The following CFAP77 variants were observed in gnomAD, a reference collection of about 807,000 sequenced individuals.
The protein encoded by CFAP77 is cilia and flagella associated protein 77.
A neutral mutation model predicts 31.1 loss-of-function variants in CFAP77; 25 were observed. The observed-to-expected ratio is 0.80, with a 90% confidence interval of 0.59 to 1.12. CFAP77 has a LOEUF of 1.12. CFAP77 is among the 50% of genes most tolerant of loss of function. The probability of loss-of-function intolerance (pLI) is 0.00; values close to 1 mark genes in which losing one functional copy is unlikely to be tolerated. For synonymous variants in CFAP77, 151 were observed against 159.9 expected, an observed-to-expected ratio of 0.94 and a Z score of 0.42; for missense variants, 377 against 397.3, an observed-to-expected ratio of 0.95 and a Z score of 0.44.
At chr9:132,411,568 G>T (rs548997144) in intron 1 of CFAP77, among the ~76,000 whole-genome samples, 1 of 152,216 alleles carries the variant, frequency 6.6e-6, no homozygotes, top group South Asian at 2.1e-4. Context: ...CCTTTCCATC[G>T]AATAGGCTCC....
intron 1 of CFAP77, among the ~76,000 whole-genome samples, chr9:132,486,796 A>C (rs948484765): frequency 1.3e-5 from 2 of 152,286 alleles, no homozygotes; most frequent in African/African-American, 4.8e-5. Flanking sequence ...TAAGCTGCAC[A>C]GCGAGATCAT....
At chr9:132,443,319 T>G (rs1291609846) in intron 1 of CFAP77, among the ~76,000 whole-genome samples, 1 of 151,600 alleles carries the variant, frequency 6.6e-6, no homozygotes, top group Non-Finnish European at 1.5e-5. Context: ...AACGGCGTGA[T>G]CTCGGCTCAC....
rs1851222649 is a variant in CFAP77 at position 132,469,875 on chromosome 9, TG to T, written c.196-28819del. On this transcript the variant is annotated intron_variant, in intron 1 of 5. Transcript: ENST00000393216. ...TTTTTTTGAGATGGAGTTTTGCTCT[TG>T]TTGCCCAGGCTGGAGTGCAATGGTG... Among the ~76,000 whole-genome samples, 9 of 151,468 alleles carry T rather than the reference TG, an allele frequency of 5.9e-5. No homozygotes were observed. The South Asian group carries it at 1.9e-3, about 32-fold the overall frequency.
intron 1 of CFAP77, among the ~76,000 whole-genome samples, chr9:132,448,177 G>GCA (rs60650463): frequency 0.11 from 16,049 of 151,110 alleles, 1,057 homozygotes; most frequent in African/African-American, 0.18. Context: ...ACGCACACAT[G>GCA]CACACACACA....
At chr9:132,468,294 C>T (rs1325026169) in intron 1 of CFAP77, among the ~76,000 whole-genome samples, 3 of 152,130 alleles carry the variant, frequency 2.0e-5, no homozygotes, top group Admixed American at 6.5e-5. Context: ...TGCAGCGAGC[C>T]GAGGTTGCGC....
In CFAP77 at chr9:132,572,506, C is replaced by G. The variant is rs1270183411; in HGVS notation, c.851C>G (p.Pro284Arg). 3 of 1,603,886 alleles carry G rather than the reference C, an allele frequency of 1.9e-6. No individual in the cohort carries two copies. In the African/African-American group the frequency reaches 4.0e-5, roughly 21 times the overall value. The part of the protein sequence containing the change: ...GTLRMGNYTH[P>R] Reference sequence around the variant, plus strand: ...CTGCGGATGGGCAACTACACCCACCCCTAGCCCCTCCCTCCCCTGCCACAA... The same window carrying G: ...CTGCGGATGGGCAACTACACCCACCGCTAGCCCCTCCCTCCCCTGCCACAA... The change falls in exon 6 of 6, where the codon CCC (proline) becomes CGC (arginine). Residue 284 changes from proline (P) to arginine (R), a missense_variant. Physicochemically the swap from Pro to Arg is moderately radical, Grantham distance 103. Transcript: ENST00000393216.
At chr9:132,544,359 C>G (rs933008509) in intron 5 of CFAP77, among the ~76,000 whole-genome samples, 1 of 152,204 alleles carries the variant, frequency 6.6e-6, no homozygotes, top group African/African-American at 2.4e-5. Context: ...CTCGACAGCA[C>G]GGCTCATCTC....
intron 1 of CFAP77, among the ~76,000 whole-genome samples, chr9:132,427,505 C>T (rs1180609857): frequency 7.2e-5 from 11 of 152,102 alleles, no homozygotes; most frequent in Non-Finnish European, 1.0e-4. Flanking sequence ...ATCCCAGCTA[C>T]GTGGGAGGCT....
chr9:132,438,530 TATATATATA>T (rs1336126982), intron 1 of CFAP77, among the ~76,000 whole-genome samples: 38 of 116,092 alleles, frequency 3.3e-4, no homozygotes, highest in African/African-American at 1.5e-3. Flanking sequence ...TATATATATA[TATATATATA>T]TATTTTTTTT....
intron 3 of CFAP77, among the ~76,000 whole-genome samples, chr9:132,510,063 C>A (rs17149211): frequency 0.21 from 32,155 of 152,056 alleles, 3,752 homozygotes; most frequent in African/African-American, 0.3. Context: ...CTGACACTCG[C>A]GGCATCCCAA....
At chr9:132,510,383 C>A (rs1017446636) in intron 3 of CFAP77, among the ~76,000 whole-genome samples, 5 of 152,248 alleles carry the variant, frequency 3.3e-5, no homozygotes, top group Admixed American at 2.6e-4. Flanking sequence ...GGCCGTGGGC[C>A]TCTTATCGCC....
In CFAP77 at chr9:132,412,686, T is replaced by A. The variant is rs187958107; in HGVS notation, c.195+2220T>A. The stretch of plus-strand genomic sequence containing the variant: ...CAGAGATTGGGTTTGCAGCTTCGTT[T>A]GCTAACTCCCAGCCCAGCATTATTT... On this transcript the variant is annotated intron_variant, in intron 1 of 5. Transcript: ENST00000393216. Among the ~76,000 whole-genome samples, 330 of 152,264 alleles carry A rather than the reference T, an allele frequency of 2.2e-3. 4 individuals are homozygous for A. The highest frequency in any genetic ancestry group is 7.2e-4 in the Non-Finnish European group (49 of 68,032).
At chr9:132,433,595 T>G (rs187356866) in intron 1 of CFAP77, among the ~76,000 whole-genome samples, 1 of 151,862 alleles carries the variant, frequency 6.6e-6, no homozygotes, top group African/African-American at 2.4e-5. Context: ...TCACCCAGGC[T>G]GGAGTGCAGT....
Position 132,449,452 on chromosome 9 carries a change from G to A in CFAP77, c.195+38986G>A, listed in dbSNP as rs530581450. 7.4e-5 allele frequency among the ~76,000 whole-genome samples: 11 copies of A among 147,690 alleles called. No homozygotes were observed. The South Asian group carries it at 1.7e-3, about 23-fold the overall frequency. On this transcript the variant is annotated intron_variant, in intron 1 of 5. Transcript: ENST00000393216. ...GTACACAGGTTTTTTTTTTTTTTAT[G>A]TTTTACTTCTTTCATTAGCATAAGG...
At chr9:132,486,351 C>T (rs1851558946) in intron 1 of CFAP77, among the ~76,000 whole-genome samples, 2 of 151,756 alleles carry the variant, frequency 1.3e-5, no homozygotes, top group Admixed American at 1.3e-4. Flanking sequence ...CTCGGCCTCC[C>T]AAAGTGCTGG....
chr9:132,548,556 C>A (rs1282662489), intron 5 of CFAP77, among the ~76,000 whole-genome samples: 1 of 152,154 alleles, frequency 6.6e-6, no homozygotes, highest in African/African-American at 2.4e-5. Flanking sequence ...AAGGTCAGGG[C>A]TGTGCCCCAG....
chr9:132,543,664 G>A (rs1029059542), intron 5 of CFAP77, among the ~76,000 whole-genome samples: 16 of 152,220 alleles, frequency 1.1e-4, no homozygotes, highest in African/African-American at 3.6e-4. Context: ...TTCCCACAGA[G>A]TGATGTCCCT....
chr9:132,458,204 T>A (rs1850955909), intron 1 of CFAP77, among the ~76,000 whole-genome samples: 1 of 152,190 alleles, frequency 6.6e-6, no homozygotes, highest in Non-Finnish European at 1.5e-5. Context: ...GGGACCCCGT[T>A]ATCCCGGAGC....
At chr9:132,492,996 G>A (rs1851675365) in intron 1 of CFAP77, among the ~76,000 whole-genome samples, 1 of 152,182 alleles carries the variant, frequency 6.6e-6, no homozygotes, top group East Asian at 1.9e-4. Flanking sequence ...ACACAGCCAT[G>A]CTCATTTGAT....
Sources: allele counts gnomAD v4.1 joint callset (sites outside exome capture counted in the v4.1 genomes callset), GRCh38; gene constraint gnomAD v4.1.1; transcripts MANE v1.5; gene names NCBI Gene and HGNC (gene_info 2026-07-23, HGNC 2026-07-21).